The following ZCCHC2 variants were observed in gnomAD, a reference collection of about 807,000 sequenced individuals.
ZCCHC2 encodes zinc finger CCHC domain-containing protein 2.
In ZCCHC2, 39 loss-of-function variants were observed where a neutral mutation model predicts 103.6. The ratio of observed to expected loss-of-function variants is 0.38; its 90% CI spans 0.29 to 0.49. ZCCHC2 has a LOEUF of 0.49. Ranked by LOEUF, ZCCHC2 falls within the 20% of genes least tolerant of loss-of-function variation. ZCCHC2 has a pLI of 0.96. For missense variants in ZCCHC2, 1,483 were observed against 1,491.0 expected, an observed-to-expected ratio of 0.99 and a Z score of 0.09; for synonymous variants, 687 against 608.9, an observed-to-expected ratio of 1.13 and a Z score of -1.89.
intron 4 of ZCCHC2, among the ~76,000 whole-genome samples, chr18:62,549,033 C>T (rs987087701): frequency 6.6e-6 from 1 of 151,548 alleles, no homozygotes; most frequent in Middle Eastern, 3.2e-3. Flanking sequence ...TCCTGACTAA[C>T]ACGGTGAAAC....
intron 1 of ZCCHC2, among the ~76,000 whole-genome samples, chr18:62,534,760 A>C (rs1315112711): frequency 6.6e-6 from 1 of 152,208 alleles, no homozygotes; most frequent in Non-Finnish European, 1.5e-5. Flanking sequence ...CAAATGCTGT[A>C]ATGTTTGGGA....
rs369205121 is a variant in ZCCHC2, at chr18:62,567,959, A to AAAAAAAAAAAG, written c.1847-2144_1847-2143insAAAAAAAAAAG. Among the ~76,000 whole-genome samples the AAAAAAAAAAAG allele has an allele frequency of 2.0e-5, 3 of 149,018 alleles. No individual in the cohort carries two copies. In the Admixed American group the frequency reaches 2.0e-4, roughly 10 times the overall value. On this transcript the variant is annotated intron_variant, in intron 11 of 13. Transcript: ENST00000269499. ...GACTCTGTCTCAAAAAAAAAAAAAA[A>AAAAAAAAAAAG]GAATGCTCATCATTGTAGTTTATTG...
At chr18:62,574,023 C>CTTTAT in intron 12 of ZCCHC2, 34 bp from the exon 13 acceptor site, 1 of 1,574,320 alleles carries the variant, frequency 6.4e-7, no homozygotes, top group South Asian at 1.2e-5. Context: ...GAGTTATGCC[C>CTTTAT]GTGTTAATAT....
intron 1 of ZCCHC2, among the ~76,000 whole-genome samples, chr18:62,529,035 C>A (rs1340168361): frequency 6.6e-6 from 1 of 151,718 alleles, no homozygotes; most frequent in Non-Finnish European, 1.5e-5. Flanking sequence ...TGGCAGGCGC[C>A]TGTAGTGCCA....
rs879168119 is a variant in ZCCHC2, at chr18:62,570,277, G to A, written c.1975+46G>A. 6 of 1,593,206 alleles carry A rather than the reference G, an allele frequency of 3.8e-6. No individual in the cohort carries two copies. In the African/African-American group the frequency reaches 8.1e-5, roughly 21 times the overall value. ...GTATTGTTGGCATGGCAGGGGTGGGGAAGTGGAGGGAAATGTGTGTTGTTT... is the reference window on the plus strand; with the variant it reads ...GTATTGTTGGCATGGCAGGGGTGGGAAAGTGGAGGGAAATGTGTGTTGTTT... On this transcript the variant is annotated intron_variant, in intron 12 of 13. Transcript: ENST00000269499.
At chr18:62,542,950 T>C (rs565733343) in intron 3 of ZCCHC2, among the ~76,000 whole-genome samples, 1 of 152,226 alleles carries the variant, frequency 6.6e-6, no homozygotes, top group Non-Finnish European at 1.5e-5. Flanking sequence ...TTATTGCCAC[T>C]GCATTGCCCT....
Position 62,542,619 on chromosome 18 carries a change from A to G in ZCCHC2, c.1128+45A>G, listed in dbSNP as rs765450591. On this transcript the variant is annotated intron_variant, in intron 3 of 13. Coordinates refer to ENST00000269499, the MANE Select transcript of ZCCHC2 (RefSeq NM_017742.6). ...AAAGATACCTCACGTGCTGTGCTCA[A>G]TGATCTTTGGGAAAACTTGTGGCAG... The G allele has an allele frequency of 8.0e-6, 12 of 1,496,278 alleles. No homozygotes were observed. In the South Asian group the frequency reaches 9.7e-5, roughly 12 times the overall value. 92.7% of individuals were successfully genotyped at this position (1,496,278 alleles called of 1,614,324 possible).
chr18:62,574,066 G>A lies in ZCCHC2; in HGVS notation c.1985G>A (p.Ser662Asn). Residue 662 changes from serine to asparagine, a missense_variant, in exon 13 of 14, where the codon AGC (serine) becomes AAC (asparagine). Transcript: ENST00000269499. The stretch of plus-strand genomic sequence containing the variant: ...TGTTTGTTTTCTTTAGACACAGACA[G>A]CAATTCTGAGGATTCTGGGAATCCA... ...SEEEKDRDTD[S>N]NSEDSGNPST... 6.2e-7 allele frequency: 1 copy of A among 1,612,660 alleles called. No individual in the cohort carries two copies.
At chr18:62,553,485 C>CCTCG (rs1915755312) in intron 5 of ZCCHC2, among the ~76,000 whole-genome samples, 1 of 151,256 alleles carries the variant, frequency 6.6e-6, no homozygotes, top group Non-Finnish European at 1.5e-5. Context: ...TGAGACAGGA[C>CCTCG]CTCGCTCTGT....
chr18:62,570,403 C>G (rs1916548288), intron 12 of ZCCHC2, among the ~76,000 whole-genome samples, 172 bp downstream of exon 12: 1 of 152,126 alleles, frequency 6.6e-6, no homozygotes, highest in Non-Finnish European at 1.5e-5. Flanking sequence ...AGATCATTGC[C>G]TTAGAAATTC....
chr18:62,524,131 C>A lies in ZCCHC2; in HGVS notation c.707C>A (p.Ser236Ter). The A allele has an allele frequency of 6.5e-7, 1 of 1,540,664 alleles. No homozygotes were observed. Among genetic ancestry groups the A allele is most frequent in the Non-Finnish European group, 8.7e-7 (1 of 1,145,126 alleles). ...DGEQDAEKDG[S>*]GPEGGIVEPR... is the part of the protein sequence containing the mutation. ...GAGCAGGACGCCGAGAAGGACGGCT[C>A]AGGCCCGGAAGGCGGCATTGTGGAG... The change falls in exon 1 of 14, where the codon TCA (serine) becomes TAA (stop). Residue 236 changes from serine to a stop codon, truncating the protein, a stop_gained. Transcript: ENST00000269499. LOFTEE classifies it high-confidence loss of function.
chr18:62,527,173 C>T lies in ZCCHC2; in HGVS notation c.939+2810C>T, dbSNP rs79030424. Among the ~76,000 whole-genome samples, 55 of 152,202 alleles carry T rather than the reference C, an allele frequency of 3.6e-4. No individual in the cohort carries two copies. The East Asian group carries it at 0.01, about 29-fold the overall frequency. The stretch of plus-strand genomic sequence containing the variant: ...ACGTAAAGTTAGCATCTTTTTAATT[C>T]TCTTTTCTATTAAAGTAAGGGTATA... On this transcript the variant is annotated intron_variant, in intron 1 of 13. Transcript: ENST00000269499.
intron 12 of ZCCHC2, 122 bp from the exon 13 acceptor site, chr18:62,573,935 A>C: frequency 9.8e-7 from 1 of 1,018,426 alleles, no homozygotes. Context: ...TTGGACAGTC[A>C]GGAAACATAG....
chr18:62,580,362 A>G (rs1356986014), downstream of ZCCHC2, among the ~76,000 whole-genome samples: 1 of 152,262 alleles, frequency 6.6e-6, no homozygotes, highest in African/African-American at 2.4e-5. Context: ...CTAGGGCGGC[A>G]AGCTGGGAGT....
chr18:62,578,827 C>T (rs369329499), downstream of ZCCHC2, among the ~76,000 whole-genome samples: 4 of 152,154 alleles, frequency 2.6e-5, no homozygotes, highest in Admixed American at 6.5e-5. Flanking sequence ...AGTGCAGTGG[C>T]GGGATCTCAG....
chr18:62,523,376 G>GGGGGGGCCCCC lies in ZCCHC2; in HGVS notation c.-49_-48insGGGGGGCCCCC. On this transcript the variant is annotated 5_prime_UTR_variant, in exon 1 of 14. Coordinates refer to ENST00000269499, the MANE Select transcript of ZCCHC2 (RefSeq NM_017742.6). ...GCCTCGGCCCGTGCTCCACCTCGCG[G>GGGGGGGCCCCC]CCCCTCCCGCCCGCCCCCGCTCGCA... The GGGGGGGCCCCC allele has an allele frequency of 5.1e-5, 52 of 1,012,298 alleles. No individual in the cohort carries two copies. The highest frequency in any genetic ancestry group is 2.0e-4 in the East Asian group (2 of 9,832). 62.7% of individuals were successfully genotyped at this position (1,012,298 alleles called of 1,614,324 possible).
rs193280707 is a variant in ZCCHC2 at position 62,537,376 on chromosome 18, C to T, written c.940-2305C>T. On this transcript the variant is annotated intron_variant, in intron 1 of 13. Transcript: ENST00000269499. The stretch of plus-strand genomic sequence containing the variant: ...TTGTAGCGATAGGATCGTGCAGTGT[C>T]GCCCAGTCTGTCTTGAAATACTTGC... Among the ~76,000 whole-genome samples, 19 of 152,250 alleles carry T rather than the reference C, an allele frequency of 1.2e-4. No individual in the cohort carries two copies. In the East Asian group the frequency reaches 3.1e-3, roughly 25 times the overall value.
rs375021646 is a variant in ZCCHC2, at chr18:62,560,583, C to T, written c.1493-4C>T. ...GTAATAAGTTACTTTTTCCTCTCTT[C>T]TAGATGTGTTGCAGCATGCCATAAT... is the stretch of plus-strand genomic sequence containing the variant. On this transcript the variant is annotated splice_polypyrimidine_tract_variant and splice_region_variant and intron_variant, in intron 7 of 13. Transcript: ENST00000269499. 32 of 1,612,956 alleles carry T rather than the reference C, an allele frequency of 2.0e-5. No homozygotes were observed. Among genetic ancestry groups the T allele is most frequent in the Non-Finnish European group, 2.6e-5 (31 of 1,179,270 alleles).
At chr18:62,560,835 TTTTTGTTTTG>T (rs944041354) in intron 8 of ZCCHC2, among the ~76,000 whole-genome samples, 191 bp downstream of exon 8, 2 of 152,162 alleles carry the variant, frequency 1.3e-5, no homozygotes, top group Non-Finnish European at 2.9e-5. Context: ...CTGTGGTTTT[TTTTTGTTTTG>T]TTTTGTTTTG....
Sources: gnomAD v4.1 joint callset for allele counts (sites outside exome capture counted in the v4.1 genomes callset) on GRCh38, gnomAD v4.1.1 for gene constraint, MANE v1.5 for transcripts, NCBI Gene and HGNC (gene_info 2026-07-23, HGNC 2026-07-21) for gene names.